NOP58: variants seen among roughly 807,000 people sequenced by gnomAD.
NOP58 encodes NOP58 ribonucleoprotein, also known as nucleolar protein 58.
Under a neutral mutation model 71.2 loss-of-function variants are expected in NOP58, and 44 were observed. That is an observed-to-expected ratio of 0.62 (90% CI 0.49 to 0.79). The LOEUF (loss-of-function observed/expected upper bound fraction) is 0.79. NOP58 is among the 30% of genes least tolerant of loss of function. NOP58 has a pLI of 0.00. For missense variants in NOP58, 538 were observed against 620.2 expected (o/e 0.87, Z 1.41); for synonymous variants, 228 against 200.3 (o/e 1.14, Z -1.17).
At chr2:202,302,548 G>A (rs927800072) in intron 13 of NOP58, among the ~76,000 whole-genome samples, 2 of 152,220 alleles carry the variant, frequency 1.3e-5, no homozygotes, top group African/African-American at 4.8e-5. Flanking sequence ...TTCACCAAGG[G>A]TAAATACAAT....
At chr2:202,302,077 T>C (rs1218992085) in intron 13 of NOP58, among the ~76,000 whole-genome samples, 12 of 142,340 alleles carry the variant, frequency 8.4e-5, no homozygotes, top group African/African-American at 1.1e-4. Context: ...TTTTTCTTTT[T>C]TTTTTCTTTT....
chr2:202,276,819 CAG>C (rs535437006), intron 2 of NOP58, among the ~76,000 whole-genome samples: 201 of 152,164 alleles, frequency 1.3e-3, no homozygotes, highest in African/African-American at 4.6e-3. Context: ...GCCTGGGTGA[CAG>C]AGTGAAGTGA....
rs755428209 is a variant in NOP58, at chr2:202,277,935, T to C, written c.123-15T>C. ...CCCCCAATAACATGTTTATCTCTTT[T>C]TTTTTTAATTCTAGAGTAAAGCTAA... On this transcript the variant is annotated splice_polypyrimidine_tract_variant and intron_variant, in intron 2 of 14. Transcript: ENST00000264279. 2 of 1,330,886 alleles carry C rather than the reference T, an allele frequency of 1.5e-6. No individual in the cohort carries two copies. Among genetic ancestry groups the C allele is most frequent in the Non-Finnish European group, 2.0e-6 (2 of 987,786 alleles). 82.4% of individuals were successfully genotyped at this position (1,330,886 alleles called of 1,614,324 possible). A position where few individuals can be genotyped will look rare whatever the true frequency, so the allele number is the denominator to read the frequency against.
In NOP58 at chr2:202,290,473, A is replaced by T. The variant is rs371167840; in HGVS notation, c.634+16A>T. On this transcript the variant is annotated intron_variant, in intron 7 of 14. Transcript: ENST00000264279. ...CAGAAAGTTGGTGAGTAATTTGTTC[A>T]TCCTTTAAGGCATTGAAAGTAAATG... The T allele has an allele frequency of 3.7e-5, 59 of 1,597,544 alleles. No homozygotes were observed. The highest frequency in any genetic ancestry group is 4.9e-5 in the Non-Finnish European group (57 of 1,171,336).
intron 5 of NOP58, among the ~76,000 whole-genome samples, chr2:202,286,038 C>G (rs1335327311): frequency 6.6e-6 from 1 of 151,792 alleles, no homozygotes; most frequent in Non-Finnish European, 1.5e-5. Flanking sequence ...AAAAATTAGC[C>G]GGGCACAGTG....
intron 4 of NOP58, among the ~76,000 whole-genome samples, chr2:202,284,130 A>G (rs113866188): frequency 6.6e-6 from 1 of 151,878 alleles, no homozygotes; most frequent in Admixed American, 6.6e-5. Context: ...AAAAATACAA[A>G]ATTAGCTGGG....
chr2:202,289,579 C>A (rs1688852890), intron 6 of NOP58, among the ~76,000 whole-genome samples: 1 of 152,198 alleles, frequency 6.6e-6, no homozygotes, highest in Non-Finnish European at 1.5e-5. Flanking sequence ...TGGTCCCAAG[C>A]ATTTTGGGTA....
At chr2:202,291,328 T>G (rs1040622268) in intron 8 of NOP58, 58 bp downstream of exon 8, 1 of 1,329,368 alleles carries the variant, frequency 7.5e-7, no homozygotes, top group Non-Finnish European at 1.0e-6. Flanking sequence ...AGTACTAATT[T>G]TTCTGATGGC....
intron 2 of NOP58, among the ~76,000 whole-genome samples, chr2:202,277,605 A>G (rs1688625607): frequency 6.6e-6 from 1 of 152,200 alleles, no homozygotes; most frequent in Non-Finnish European, 1.5e-5. Flanking sequence ...AAAAGGACTC[A>G]CGTACGTTTT....
rs949521082 is a variant in NOP58 at position 202,277,849 on chromosome 2, G to A, written c.123-101G>A. On this transcript the variant is annotated intron_variant, in intron 2 of 14. Coordinates refer to ENST00000264279, the MANE Select transcript of NOP58 (RefSeq NM_015934.5). ...AATGGTAGGCATGTTTTATTGGTGTGTGCTTTGGAAACAGTCAAGCACTTC... is the reference window on the plus strand; with the variant it reads ...AATGGTAGGCATGTTTTATTGGTGTATGCTTTGGAAACAGTCAAGCACTTC... 3.3e-5 allele frequency: 23 copies of A among 693,972 alleles called. No individual in the cohort carries two copies. In the African/African-American group the frequency reaches 4.1e-4, roughly 12 times the overall value. 43.0% of individuals were successfully genotyped at this position (693,972 alleles called of 1,614,324 possible).
In NOP58 at chr2:202,292,757, A is replaced by T; in HGVS notation, c.781-20A>T. 6.3e-7 allele frequency: 1 copy of T among 1,595,342 alleles called. No homozygotes were observed. The highest frequency in any genetic ancestry group is 8.6e-7 in the Non-Finnish European group (1 of 1,163,150). Reference sequence around the variant, plus strand: ...TTTACTCATATGATATTTGTGACTTAACTTTATTCCTTATACTAGGTGATT... The same window carrying T: ...TTTACTCATATGATATTTGTGACTTTACTTTATTCCTTATACTAGGTGATT... On this transcript the variant is annotated intron_variant, in intron 8 of 14. Transcript: ENST00000264279.
At chr2:202,303,364 C>T in intron 14 of NOP58, 22 bp from the exon 15 acceptor site, 1 of 1,609,882 alleles carries the variant, frequency 6.2e-7, no homozygotes, top group African/African-American at 1.3e-5. Flanking sequence ...TCTTTCAAAG[C>T]ATTCTTGTTG....
At chr2:202,277,727 C>G (rs1358033165) in intron 2 of NOP58, among the ~76,000 whole-genome samples, 1 of 152,200 alleles carries the variant, frequency 6.6e-6, no homozygotes, top group Non-Finnish European at 1.5e-5. Context: ...TCCTCCAAAG[C>G]CTACAACTTT....
At chr2:202,275,878 A>G (rs1313051352) in intron 2 of NOP58, among the ~76,000 whole-genome samples, 1 of 152,182 alleles carries the variant, frequency 6.6e-6, no homozygotes, top group Admixed American at 6.5e-5. Context: ...CATGTTGGTC[A>G]GGCAGGTCTC....
At chr2:202,268,010 T>C (rs183381623) in intron 1 of NOP58, among the ~76,000 whole-genome samples, 1 of 152,234 alleles carries the variant, frequency 6.6e-6, no homozygotes, top group Non-Finnish European at 1.5e-5. Context: ...GAATTAACAT[T>C]GATCGTTTCT....
rs188194943 is a variant in NOP58, at chr2:202,286,043, A to C, written c.434+1562A>C. On this transcript the variant is annotated intron_variant, in intron 5 of 14. Coordinates refer to ENST00000264279, the MANE Select transcript of NOP58 (RefSeq NM_015934.5). ...TAAAAATACAAAAAATTAGCCGGGC[A>C]CAGTGGCGGGCGCCTGTAGTCCCAG... Among the ~76,000 whole-genome samples the C allele has an allele frequency of 1.1e-3, 164 of 152,058 alleles. 2 individuals carry two copies. In the East Asian group the frequency reaches 0.028, roughly 26 times the overall value.
In NOP58 at chr2:202,287,772, C is replaced by T. The variant is rs528030371; in HGVS notation, c.499+48C>T. The T allele has an allele frequency of 2.3e-5, 29 of 1,277,310 alleles. No individual in the cohort carries two copies. The East Asian group carries it at 4.7e-4, about 21-fold the overall frequency. 79.1% of individuals were successfully genotyped at this position (1,277,310 alleles called of 1,614,324 possible). A position where few individuals can be genotyped will look rare whatever the true frequency, so the allele number is the denominator to read the frequency against. On this transcript the variant is annotated intron_variant, in intron 6 of 14. Coordinates refer to ENST00000264279, the MANE Select transcript of NOP58 (RefSeq NM_015934.5). ...CCGATTTGTTGCTCTGTCCTTCATGCGTTTTCATACTGTTGAAACTATCTT... is the reference window on the plus strand; with the variant it reads ...CCGATTTGTTGCTCTGTCCTTCATGTGTTTTCATACTGTTGAAACTATCTT...
intron 9 of NOP58, among the ~76,000 whole-genome samples, chr2:202,293,867 G>A (rs1330434793): frequency 1.3e-5 from 2 of 152,046 alleles, no homozygotes; most frequent in African/African-American, 4.8e-5. Context: ...GAGCCACTGC[G>A]CCCGGCCTGG....
chr2:202,302,524 T>C lies in NOP58; in HGVS notation c.1403-397T>C, dbSNP rs79431677. 4.7e-3 allele frequency among the ~76,000 whole-genome samples: 717 copies of C among 152,342 alleles called. 9 individuals are homozygous for C. Among genetic ancestry groups the C allele is most frequent in the African/African-American group, 0.016 (667 of 41,580 alleles). On this transcript the variant is annotated intron_variant, in intron 13 of 14. Transcript: ENST00000264279. ...AGTAAGATAAGACATTCTTAAGTTT[T>C]ATAGATAGGGAGCTTCACCAAGGGT... is the stretch of plus-strand genomic sequence containing the variant.
Sources: gnomAD v4.1 joint callset for allele counts (sites outside exome capture counted in the v4.1 genomes callset) on GRCh38, gnomAD v4.1.1 for gene constraint, MANE v1.5 for transcripts, NCBI Gene and HGNC (gene_info 2026-07-23, HGNC 2026-07-21) for gene names.